TMEM117: variants seen among roughly 807,000 people sequenced by gnomAD.
TMEM117 encodes the protein transmembrane protein 117.
Under a neutral mutation model 52.4 loss-of-function variants are expected in TMEM117, and 27 were observed. The observed-to-expected ratio is 0.51, with a 90% CI of 0.38 to 0.71. TMEM117 has a LOEUF of 0.71. TMEM117 is among the 30% of genes least tolerant of loss of function. TMEM117 has a pLI of 0.00. For missense variants in TMEM117, 556 were observed against 630.5 expected, an observed-to-expected ratio of 0.88 and a Z score of 1.26; for synonymous variants, 215 against 206.3, an observed-to-expected ratio of 1.04 and a Z score of -0.36.
intron 6 of TMEM117, among the ~76,000 whole-genome samples, chr12:44,345,689 G>A (rs967788456): frequency 2.0e-5 from 3 of 152,006 alleles, no homozygotes; most frequent in Non-Finnish European, 2.9e-5. Flanking sequence ...TAAAAAGAAC[G>A]CTAATTGCTA....
intron 4 of TMEM117, among the ~76,000 whole-genome samples, chr12:44,172,440 G>C (rs1024665096): frequency 6.6e-6 from 1 of 152,040 alleles, no homozygotes; most frequent in Non-Finnish European, 1.5e-5. Context: ...CTTTCTTCTC[G>C]CTGTGTGTCT....
At chr12:44,116,981 A>C (rs935658389) in intron 3 of TMEM117, among the ~76,000 whole-genome samples, 1 of 152,142 alleles carries the variant, frequency 6.6e-6, no homozygotes, top group Non-Finnish European at 1.5e-5. Flanking sequence ...ATAAAACACA[A>C]ACTGTATCAT....
At position 44,293,896 on chromosome 12, in the gene TMEM117, A is replaced by G. The variant is rs142003789; in HGVS notation, c.609-5684A>G. ...ATTTTTAACTTTACTAGGGAATCTT[A>G]TACATTCAGATATTTTTATTTTGTT... On this transcript the variant is annotated intron_variant, in intron 5 of 7. Coordinates refer to ENST00000266534, the MANE Select transcript of TMEM117 (RefSeq NM_032256.3). 9.2e-5 allele frequency among the ~76,000 whole-genome samples: 14 copies of G among 152,256 alleles called. No homozygotes were observed. In the East Asian group the frequency reaches 2.7e-3, roughly 29 times the overall value.
At chr12:43,806,414 C>A in the TMEM117 span, 1 of 1,151,972 alleles carries the variant, frequency 8.7e-7, no homozygotes, top group Non-Finnish European at 1.1e-6. Context: ...CCCGCCGCCC[C>A]GCCGCCCTTC....
chr12:44,247,884 GCT>G (rs1303107538), intron 5 of TMEM117, among the ~76,000 whole-genome samples: 1 of 152,208 alleles, frequency 6.6e-6, no homozygotes, highest in Non-Finnish European at 1.5e-5. Context: ...GCAGCAGAAT[GCT>G]CTCTCTCCCA....
At chr12:44,280,867 C>A (rs559148715) in intron 5 of TMEM117, among the ~76,000 whole-genome samples, 2 of 152,034 alleles carry the variant, frequency 1.3e-5, no homozygotes, top group South Asian at 2.1e-4. Context: ...TTAAAATTCC[C>A]CACTGAGTTT....
chr12:44,072,025 C>T (rs547547366), intron 3 of TMEM117, among the ~76,000 whole-genome samples: 51 of 152,264 alleles, frequency 3.3e-4, no homozygotes, highest in African/African-American at 1.2e-3. Context: ...GCCAGAATGG[C>T]ACTAGGCATT....
At chr12:43,892,094 C>T (rs769316858) in intron 2 of TMEM117, among the ~76,000 whole-genome samples, 33 of 152,234 alleles carry the variant, frequency 2.2e-4, no homozygotes, top group Middle Eastern at 3.4e-3. Flanking sequence ...GTTTTAATGA[C>T]TCATGAGGAG....
intron 2 of TMEM117, among the ~76,000 whole-genome samples, chr12:43,890,042 C>T (rs1478358004): frequency 6.6e-6 from 1 of 152,134 alleles, no homozygotes; most frequent in Non-Finnish European, 1.5e-5. Context: ...GAGTTGAGAT[C>T]AGTCAGCTGA....
chr12:44,144,711 C>G (rs1234839367), intron 4 of TMEM117, among the ~76,000 whole-genome samples: 1 of 152,200 alleles, frequency 6.6e-6, no homozygotes, highest in African/African-American at 2.4e-5. Context: ...CTCCACCTAC[C>G]TCTGTTGATT....
intron 5 of TMEM117, among the ~76,000 whole-genome samples, chr12:44,296,492 G>T (rs1786167694): frequency 6.6e-6 from 1 of 152,160 alleles, no homozygotes; most frequent in African/African-American, 2.4e-5. Flanking sequence ...TCTACTTCAG[G>T]ATCTACATTC....
intron 2 of TMEM117, among the ~76,000 whole-genome samples, chr12:43,851,134 C>G (rs1943301700): frequency 6.6e-6 from 1 of 152,132 alleles, no homozygotes; most frequent in Admixed American, 6.5e-5. Flanking sequence ...TATGGGAAGT[C>G]TCTTCTTAGT....
chr12:43,987,989 A>G (rs970058654), intron 3 of TMEM117, among the ~76,000 whole-genome samples: 3 of 152,102 alleles, frequency 2.0e-5, no homozygotes, highest in Non-Finnish European at 2.9e-5. Context: ...ACCAGTTTCA[A>G]TTTGTCAGGG....
intron 3 of TMEM117, among the ~76,000 whole-genome samples, chr12:44,078,436 C>T (rs767264580): frequency 2.6e-5 from 4 of 152,188 alleles, no homozygotes; most frequent in South Asian, 4.1e-4. Flanking sequence ...TACAGCATTT[C>T]GACAGCATGT....
intron 5 of TMEM117, among the ~76,000 whole-genome samples, chr12:44,250,539 A>G (rs547861154): frequency 6.6e-6 from 1 of 152,298 alleles, no homozygotes; most frequent in East Asian, 1.9e-4. Context: ...ACATGCACAC[A>G]TATGTTTATT....
rs755721805 is a variant in TMEM117 at position 43,844,871 on chromosome 12, C to T, written c.220C>T (p.Leu74Phe). ...GATTTTGAAGGTGCTTCTATGGCTACTTGCCATTCTCACAGGACTAATAGC... is the reference window on the plus strand; with the variant it reads ...GATTTTGAAGGTGCTTCTATGGCTATTTGCCATTCTCACAGGACTAATAGC... The part of the protein sequence containing the change: ...WRILKVLLWL[L>F]AILTGLIAGK... Residue 74 changes from leucine to phenylalanine, a missense_variant, in exon 2 of 8, where the codon CTT (leucine) becomes TTT (phenylalanine). By Grantham distance (22) the Leu-to-Phe change is conservative. Around this residue, in one of 3 missense-constraint regions of TMEM117, gnomAD observed 328 missense variants for 371.4 expected, o/e 0.88. Coordinates refer to ENST00000266534, the MANE Select transcript of TMEM117 (RefSeq NM_032256.3). 1.2e-6 allele frequency: 2 copies of T among 1,613,806 alleles called. No individual in the cohort carries two copies. The highest frequency in any genetic ancestry group is 2.2e-5 in the East Asian group (1 of 44,870).
intron 5 of TMEM117, among the ~76,000 whole-genome samples, chr12:44,294,410 A>T (rs777104461): frequency 1.2e-4 from 19 of 152,190 alleles, no homozygotes; most frequent in Non-Finnish European, 2.5e-4. Flanking sequence ...TGCCTTTTCC[A>T]TCTTTGCTTA....
At chr12:43,979,009 T>C (rs1945717314) in intron 3 of TMEM117, among the ~76,000 whole-genome samples, 1 of 151,360 alleles carries the variant, frequency 6.6e-6, no homozygotes, top group South Asian at 2.1e-4. Flanking sequence ...TTAATTTCCC[T>C]TTTTGCTGCA....
the TMEM117 span, among the ~76,000 whole-genome samples, chr12:43,807,541 T>C: frequency 6.6e-6 from 1 of 152,246 alleles, no homozygotes; most frequent in Non-Finnish European, 1.5e-5. Flanking sequence ...TTTGACTACA[T>C]TGCTGAGCAG....
Sources: gnomAD v4.1 joint callset for allele counts (sites outside exome capture counted in the v4.1 genomes callset) on GRCh38, gnomAD v4.1.1 for gene constraint, gnomAD v4.1.1 regional missense constraint, MANE v1.5 for transcripts, NCBI Gene and HGNC (gene_info 2026-07-23, HGNC 2026-07-21) for gene names.